THSD1: variants seen among roughly 807,000 people sequenced by gnomAD.
THSD1 encodes the protein thrombospondin type-1 domain-containing protein 1.
A neutral mutation model predicts 46.3 loss-of-function variants in THSD1; 34 were observed. The ratio of observed to expected loss-of-function variants is 0.74; its 90% CI spans 0.56 to 0.98. The LOEUF is 0.98. THSD1 is among the 50% of genes least tolerant of loss of function. The pLI is 0.00. For missense variants in THSD1, 1,023 were observed against 1,058.3 expected (o/e 0.97, Z 0.46); for synonymous variants, 407 against 416.5 (o/e 0.98, Z 0.28).
In THSD1 at chr13:52,378,107, G is replaced by A; in HGVS notation, c.1863C>T (p.Ser621=). The change falls in exon 5 of 5, where the codon AGC becomes AGT. Residue 621 remains serine (S), a synonymous_variant. Coordinates refer to ENST00000258613, the MANE Select transcript of THSD1 (RefSeq NM_018676.4). The part of the protein sequence containing the change: ...VTQASCAISP[S]QTLIRKSQAR... ...CCTGTGACTTGCGGATCAGAGTCTG[G>A]CTGGGGCTTATGGCACAACTGGCCT... 1 of 1,614,200 alleles carries A rather than the reference G, an allele frequency of 6.2e-7. No individual in the cohort carries two copies.
rs973242916 is a variant in THSD1, at chr13:52,391,220, A to T, written c.1022-5034T>A. On this transcript the variant is annotated intron_variant, in intron 3 of 4. Transcript: ENST00000258613. The stretch of plus-strand genomic sequence containing the variant: ...ATGATAGACAGGGGACTTAGAATAA[A>T]TTTTTTTTTTTTTTGAGACAATGTC... 7.2e-4 allele frequency among the ~76,000 whole-genome samples: 103 copies of T among 142,702 alleles called. No homozygotes were observed. The East Asian group carries it at 0.016, about 23-fold the overall frequency. The allele number at this position is 142,702 out of a possible 152,430, so 93.6% of individuals were successfully genotyped here.
At chr13:52,382,023 C>G (rs953398193) in intron 4 of THSD1, among the ~76,000 whole-genome samples, 1 of 152,188 alleles carries the variant, frequency 6.6e-6, no homozygotes, top group African/African-American at 2.4e-5. Context: ...TTGCAACTCT[C>G]TCTCTCCCTT....
chr13:52,397,680 G>C lies in THSD1; in HGVS notation c.573C>G (p.Ser191Arg), dbSNP rs1480532997. ...NSRQPLEIRT[S>R]KRTELAQGQW... is the part of the protein sequence containing the mutation. Reference sequence around the variant, plus strand: ...GACCTTGAGCAAGTTCTGTCCTTTTGCTGGTTCTTATTTCCAGCGGCTGTC... The same window carrying C: ...GACCTTGAGCAAGTTCTGTCCTTTTCCTGGTTCTTATTTCCAGCGGCTGTC... Residue 191 changes from serine (S) to arginine (R), a missense_variant, in exon 3 of 5, where the codon AGC becomes AGG. By Grantham distance (110) the Ser-to-Arg change is moderately radical. Coordinates refer to ENST00000258613, the MANE Select transcript of THSD1 (RefSeq NM_018676.4). The C allele has an allele frequency of 6.2e-7, 1 of 1,614,186 alleles. No homozygotes were observed. Among genetic ancestry groups the C allele is most frequent in the East Asian group, 2.2e-5 (1 of 44,882 alleles).
rs1170874127 is a variant in THSD1 at position 52,378,357 on chromosome 13, T to C, written c.1613A>G (p.Lys538Arg). 2 of 1,614,154 alleles carry C rather than the reference T, an allele frequency of 1.2e-6. No homozygotes were observed. The highest frequency in any genetic ancestry group is 2.2e-5 in the South Asian group (2 of 91,076). ...FSYRLAQQQL[K>R]EMKKKGLTET... ...CGTCAGACCTTTCTTTTTCATCTCC[T>C]TTAACTGCTGCTGGGCAAGGCGGTA... Residue 538 changes from lysine (K) to arginine (R), a missense_variant, in exon 5 of 5, where the codon AAG becomes AGG. Physicochemically the swap from Lys to Arg is conservative, Grantham distance 26. Around this residue, in one of 3 missense-constraint regions of THSD1, gnomAD observed 578 missense variants for 497.4 expected, o/e 1.16. Coordinates refer to ENST00000258613, the MANE Select transcript of THSD1 (RefSeq NM_018676.4).
In THSD1 at chr13:52,398,013, G is replaced by A. The variant is rs1383030349; in HGVS notation, c.240C>T (p.Asn80=). 1.2e-6 allele frequency: 2 copies of A among 1,614,116 alleles called. No homozygotes were observed. The highest frequency in any genetic ancestry group is 1.1e-5 in the South Asian group (1 of 91,094). The part of the protein sequence containing the change: ...QTVTTKYLLT[N]QSQGTLKFEC... ...CAAACTTTAGTGTTCCCTGGGACTGGTTGGTCAGGAGGTACTTGGTAGTTA... is the reference window on the plus strand; with the variant it reads ...CAAACTTTAGTGTTCCCTGGGACTGATTGGTCAGGAGGTACTTGGTAGTTA... Residue 80 remains asparagine (N), a synonymous_variant, in exon 3 of 5, where the codon AAC becomes AAT. Transcript: ENST00000258613.
chr13:52,397,843 C>T lies in THSD1; in HGVS notation c.410G>A (p.Ser137Asn). The change falls in exon 3 of 5, where the codon AGT (serine) becomes AAT (asparagine). Residue 137 changes from serine (S) to asparagine (N), a missense_variant. Physicochemically the swap from Ser to Asn is conservative, Grantham distance 46 (BLOSUM62 1). Transcript: ENST00000258613. ...GAAGGTGCCTTCTGCTGCCTTGGCA[C>T]TCCTATTCAAGTCAACGTGAAAGAC... ...WPVFHVDLNR[S>N]AKAAEGTFQV... 2 of 1,614,252 alleles carry T rather than the reference C, an allele frequency of 1.2e-6. No homozygotes were observed. Among genetic ancestry groups the T allele is most frequent in the Non-Finnish European group, 1.7e-6 (2 of 1,180,048 alleles).
chr13:52,391,166 A>T (rs1957770279), intron 3 of THSD1, among the ~76,000 whole-genome samples: 1 of 152,062 alleles, frequency 6.6e-6, no homozygotes, highest in Non-Finnish European at 1.5e-5. Flanking sequence ...TGTTGGCAGG[A>T]TCTGATAGAT....
chr13:52,389,378 A>T (rs1957756848), intron 3 of THSD1, among the ~76,000 whole-genome samples: 1 of 152,226 alleles, frequency 6.6e-6, no homozygotes, highest in South Asian at 2.1e-4. Flanking sequence ...AACAGAATGG[A>T]TGTAACAAAT....
At chr13:52,404,458 G>A (rs1957891373) in intron 1 of THSD1, among the ~76,000 whole-genome samples, 1 of 152,136 alleles carries the variant, frequency 6.6e-6, no homozygotes, top group Admixed American at 6.6e-5. Flanking sequence ...ACAGAGATTT[G>A]AAGTGTAACT....
intron 1 of THSD1, among the ~76,000 whole-genome samples, chr13:52,403,927 C>G (rs1016349520): frequency 5.3e-5 from 8 of 150,404 alleles, no homozygotes; most frequent in Admixed American, 4.7e-4. Flanking sequence ...AAGGTCCCCC[C>G]CATTATTCAC....
chr13:52,382,276 G>C (rs921594313), intron 4 of THSD1, among the ~76,000 whole-genome samples: 13 of 152,074 alleles, frequency 8.5e-5, no homozygotes, highest in African/African-American at 3.1e-4. Context: ...CTAAAATCCT[G>C]GGTTTCATCC....
intron 1 of THSD1, among the ~76,000 whole-genome samples, chr13:52,403,809 C>A (rs892770951): frequency 2.0e-5 from 3 of 151,468 alleles, no homozygotes; most frequent in Admixed American, 2.0e-4. Flanking sequence ...ATAGACTATT[C>A]AACTATAGAA....
At chr13:52,392,225 A>G (rs1362769054) in intron 3 of THSD1, among the ~76,000 whole-genome samples, 4 of 150,964 alleles carry the variant, frequency 2.6e-5, no homozygotes, top group Non-Finnish European at 4.4e-5. Context: ...AAATCATAGC[A>G]TGTAGGATAC....
intron 4 of THSD1, among the ~76,000 whole-genome samples, chr13:52,385,093 G>T (rs1300509312): frequency 6.6e-6 from 1 of 152,138 alleles, no homozygotes; most frequent in Admixed American, 6.6e-5. Context: ...CTGTGGTTTG[G>T]GCTAAAAGGT....
intron 3 of THSD1, among the ~76,000 whole-genome samples, chr13:52,387,825 G>C (rs1372944139): frequency 6.6e-6 from 1 of 152,174 alleles, no homozygotes; most frequent in African/African-American, 2.4e-5. Context: ...CCTAAGAGCT[G>C]TGGGGCAATA....
At chr13:52,386,000 G>A (rs751548556) in intron 4 of THSD1, 28 bp downstream of exon 4, 49 of 1,607,802 alleles carry the variant, frequency 3.0e-5, no homozygotes, top group Non-Finnish European at 4.2e-5. Context: ...TCTGAGGAGA[G>A]ACTCCCGAAG....
In THSD1 at chr13:52,377,646, G is replaced by A; in HGVS notation, c.2324C>T (p.Ser775Phe). 1.9e-6 allele frequency: 3 copies of A among 1,610,530 alleles called. No homozygotes were observed. Among genetic ancestry groups the A allele is most frequent in the Non-Finnish European group, 2.5e-6 (3 of 1,177,074 alleles). Residue 775 changes from serine (S) to phenylalanine (F), a missense_variant, in exon 5 of 5, where the codon TCT (serine) becomes TTT (phenylalanine). Ser to Phe is a radical substitution (Grantham distance 155). Coordinates refer to ENST00000258613, the MANE Select transcript of THSD1 (RefSeq NM_018676.4). ...PSHKSVSRKQ[S>F]SPISPKDNYQ... is the part of the protein sequence containing the mutation. ...GTTATCTTTGGGGGATATGGGAGAA[G>A]ACTGCTTCCTTGAGACACTCTTGTG...
intron 1 of THSD1, among the ~76,000 whole-genome samples, chr13:52,404,506 C>A (rs1957891833): frequency 6.6e-6 from 1 of 152,014 alleles, no homozygotes; most frequent in African/African-American, 2.4e-5. Flanking sequence ...CCGCCACCCC[C>A]ACCCAAAAAA....
Position 52,378,324 on chromosome 13 carries a change from G to A in THSD1, c.1646C>T (p.Thr549Ile). 1.2e-6 allele frequency: 2 copies of A among 1,614,202 alleles called. No individual in the cohort carries two copies. Among genetic ancestry groups the A allele is most frequent in the Non-Finnish European group, 1.7e-6 (2 of 1,180,040 alleles). ...EMKKKGLTET[T>I]KVYHVSQSPL... Reference sequence around the variant, plus strand: ...ACTCTGAGACACGTGATACACTTTGGTAGTTTCCGTCAGACCTTTCTTTTT... The same window carrying A: ...ACTCTGAGACACGTGATACACTTTGATAGTTTCCGTCAGACCTTTCTTTTT... The change falls in exon 5 of 5, where the codon ACC becomes ATC. Residue 549 changes from threonine (T) to isoleucine (I), a missense_variant. Transcript: ENST00000258613.
Sources: allele counts gnomAD v4.1 joint callset (sites outside exome capture counted in the v4.1 genomes callset), GRCh38; gene constraint gnomAD v4.1.1; regional missense constraint gnomAD v4.1.1; transcripts MANE v1.5; gene names NCBI Gene and HGNC (gene_info 2026-07-23, HGNC 2026-07-21).